The following ULK4 variants were observed in gnomAD, a reference collection of about 807,000 sequenced individuals.
The protein encoded by ULK4 is inactive serine/threonine-protein kinase ULK4.
A neutral mutation model predicts 160.6 loss-of-function variants in ULK4; 133 were observed. The ratio of observed to expected loss-of-function variants is 0.83; its 90% CI spans 0.72 to 0.96. The LOEUF (loss-of-function observed/expected upper bound fraction) is 0.96, where lower values mean the gene tolerates loss of function less well. Among genes scored for constraint, ULK4 ranks in the 40% least tolerant of loss-of-function variants. The pLI is 0.00. For missense variants in ULK4, 1,580 were observed against 1,499.5 expected (o/e 1.05, Z -0.89); for synonymous variants, 534 against 539.8 (o/e 0.99, Z 0.15).
chr3:41,804,006 T>C (rs2040556068), intron 19 of ULK4, among the ~76,000 whole-genome samples: 3 of 152,164 alleles, frequency 2.0e-5, no homozygotes, highest in Admixed American at 2.0e-4. Context: ...TACCCAGTAA[T>C]GGGATGGCTG....
At chr3:41,605,825 A>C (rs1353281498) in intron 31 of ULK4, among the ~76,000 whole-genome samples, 3 of 152,180 alleles carry the variant, frequency 2.0e-5, no homozygotes, top group Non-Finnish European at 2.9e-5. Flanking sequence ...TATAAAAGGA[A>C]TATTTATGAA....
At chr3:41,295,093 AACAG>A (rs1277994820) in intron 35 of ULK4, among the ~76,000 whole-genome samples, 12 of 152,262 alleles carry the variant, frequency 7.9e-5, no homozygotes, top group African/African-American at 2.7e-4. Context: ...CTGGTGAAAG[AACAG>A]ACAAACAGAT....
intron 19 of ULK4, among the ~76,000 whole-genome samples, chr3:41,803,729 T>A (rs980092593): frequency 6.6e-6 from 1 of 152,074 alleles, no homozygotes; most frequent in Non-Finnish European, 1.5e-5. Context: ...AGTGAGAACA[T>A]GCGGTGTTTG....
At chr3:41,953,958 C>T (rs1218306856) in intron 2 of ULK4, among the ~76,000 whole-genome samples, 1 of 151,710 alleles carries the variant, frequency 6.6e-6, no homozygotes, top group Non-Finnish European at 1.5e-5. Context: ...CCAAGGTGGG[C>T]GGATCACAAG....
chr3:41,789,896 TC>T, intron 20 of ULK4, 53 bp from the exon 21 acceptor site: 1 of 1,418,542 alleles, frequency 7.0e-7, no homozygotes, highest in Non-Finnish European at 9.4e-7. Context: ...CATCAATCAT[TC>T]CCCTGAAAGG....
intron 35 of ULK4, among the ~76,000 whole-genome samples, chr3:41,301,017 G>C (rs1473886849): frequency 6.6e-6 from 1 of 151,320 alleles, no homozygotes; most frequent in African/African-American, 2.4e-5. Context: ...TCAGGCTCAG[G>C]GACTTGTCCA....
intron 35 of ULK4, among the ~76,000 whole-genome samples, chr3:41,306,849 C>A (rs1172498143): frequency 6.6e-6 from 1 of 151,650 alleles, no homozygotes. Context: ...GACCTTACCC[C>A]CAACCCTGTG....
intron 27 of ULK4, among the ~76,000 whole-genome samples, chr3:41,683,992 C>A (rs139208824): frequency 6.6e-6 from 1 of 152,288 alleles, no homozygotes; most frequent in East Asian, 1.9e-4. Flanking sequence ...ACGTCCTGAT[C>A]CATTTTTCCT....
intron 35 of ULK4, among the ~76,000 whole-genome samples, chr3:41,253,590 C>T (rs1253543674): frequency 1.3e-5 from 2 of 150,378 alleles, no homozygotes; most frequent in African/African-American, 2.4e-5. Context: ...AAAAGAAAGC[C>T]GGAAAAGGAA....
At chr3:41,924,073 G>A (rs1390301479) in intron 5 of ULK4, among the ~76,000 whole-genome samples, 2 of 152,124 alleles carry the variant, frequency 1.3e-5, no homozygotes, top group Non-Finnish European at 2.9e-5. Flanking sequence ...CTTATTAGAA[G>A]CTCTTTTCGA....
intron 32 of ULK4, among the ~76,000 whole-genome samples, chr3:41,491,698 T>A (rs1192916602): frequency 7.0e-5 from 2 of 28,766 alleles, no homozygotes; most frequent in African/African-American, 1.7e-4. Flanking sequence ...AGAATTTTTA[T>A]ATTTTTTTTT....
At chr3:41,961,550 A>ACCCCTCCCCCCCCCCCCCCCCCCCCC (rs57463009) in intron 1 of ULK4, among the ~76,000 whole-genome samples, 1 of 124,690 alleles carries the variant, frequency 8.0e-6, no homozygotes, top group Non-Finnish European at 1.6e-5. Context: ...GTAGTCACTC[A>ACCCCTCCCCCCCCCCCCCCCCCCCCC]CCCCCCCCCC....
intron 22 of ULK4, among the ~76,000 whole-genome samples, chr3:41,741,345 A>T (rs1465830265): frequency 6.6e-6 from 1 of 151,898 alleles, no homozygotes; most frequent in African/African-American, 2.4e-5. Flanking sequence ...TTACAAACAT[A>T]ACTTCATAAT....
chr3:41,393,891 T>G (rs1021739403), intron 35 of ULK4, among the ~76,000 whole-genome samples: 1 of 152,126 alleles, frequency 6.6e-6, no homozygotes, highest in African/African-American at 2.4e-5. Context: ...CAATCCAACC[T>G]GGGCTTGATA....
At chr3:41,439,687 A>G (rs2125855173) in intron 34 of ULK4, among the ~76,000 whole-genome samples, 1 of 152,288 alleles carries the variant, frequency 6.6e-6, no homozygotes. Context: ...TTCATTTTCA[A>G]AGTTGTTTTG....
intron 17 of ULK4, among the ~76,000 whole-genome samples, chr3:41,863,703 G>A (rs925175195): frequency 1.3e-5 from 2 of 151,808 alleles, no homozygotes; most frequent in South Asian, 4.2e-4. Context: ...CAAGGTAACA[G>A]TTTCCCTTCT....
chr3:41,568,051 C>T (rs1403217539), intron 31 of ULK4, among the ~76,000 whole-genome samples: 2 of 152,128 alleles, frequency 1.3e-5, no homozygotes, highest in Non-Finnish European at 2.9e-5. Flanking sequence ...TTCCAGAATT[C>T]AATCAAGGAT....
chr3:41,655,984 C>T (rs971324555), intron 30 of ULK4, among the ~76,000 whole-genome samples: 15 of 152,262 alleles, frequency 9.9e-5, no homozygotes, highest in Admixed American at 3.9e-4. Flanking sequence ...TGGGGTATCC[C>T]TTAATGGCTT....
intron 17 of ULK4, among the ~76,000 whole-genome samples, chr3:41,859,827 T>A (rs2042456366): frequency 7.7e-6 from 1 of 129,274 alleles, no homozygotes; most frequent in African/African-American, 4.0e-5. Flanking sequence ...CTGGCTAATT[T>A]TTTTTTTTTT....
Sources: allele counts gnomAD v4.1 joint callset (sites outside exome capture counted in the v4.1 genomes callset), GRCh38; gene constraint gnomAD v4.1.1; transcripts MANE v1.5; gene names NCBI Gene and HGNC (gene_info 2026-07-23, HGNC 2026-07-21).